EPB41L5: variants seen among roughly 807,000 people sequenced by gnomAD.
EPB41L5 encodes the protein erythrocyte membrane protein band 4.1 like 5, also known as band 4.1-like protein 5.
A neutral mutation model predicts 106.6 loss-of-function variants in EPB41L5; 55 were observed. That is an observed-to-expected ratio of 0.52 (90% CI 0.42 to 0.65). EPB41L5 has a LOEUF of 0.65. Ranked by LOEUF, EPB41L5 falls within the 30% of genes least tolerant of loss-of-function variation. The probability of loss-of-function intolerance (pLI) is 0.00; values close to 1 mark genes in which losing one functional copy is unlikely to be tolerated. For missense variants in EPB41L5, 871 were observed against 882.1 expected, an observed-to-expected ratio of 0.99 and a Z score of 0.16; for synonymous variants, 297 against 306.7, an observed-to-expected ratio of 0.97 and a Z score of 0.33.
At position 120,142,882 on chromosome 2, in the gene EPB41L5, T is replaced by C. The variant is rs1001050593; in HGVS notation, c.1600-121T>C. On this transcript the variant is annotated intron_variant, in intron 18 of 24. Transcript: ENST00000263713. The stretch of plus-strand genomic sequence containing the variant: ...AATTGCTTATGCCTGAAATAAGATA[T>C]GGCTGCTTAAGACACATGATTTCCT... 1.6e-5 allele frequency: 13 copies of C among 833,652 alleles called. No homozygotes were observed. The African/African-American group carries it at 1.8e-4, about 11-fold the overall frequency. The allele number at this position is 833,652 out of a possible 1,614,324, so 51.6% of individuals were successfully genotyped here.
rs58363397 is a variant in EPB41L5 at position 120,119,120 on chromosome 2, C to T, written c.1338-8568C>T. On this transcript the variant is annotated intron_variant, in intron 16 of 24. Coordinates refer to ENST00000263713, the MANE Select transcript of EPB41L5 (RefSeq NM_020909.4). ...AGATTTTTTTTTTATGTTTGTTGGC[C>T]GCATGTATGTCTTTTGAAAAGTGTC... is the stretch of plus-strand genomic sequence containing the variant. Among the ~76,000 whole-genome samples the T allele has an allele frequency of 5.2e-3, 795 of 151,878 alleles. 3 individuals are homozygous for T. Among genetic ancestry groups the T allele is most frequent in the African/African-American group, 0.018 (761 of 41,390 alleles).
At chr2:120,050,514 C>T (rs1426281293) in intron 3 of EPB41L5, among the ~76,000 whole-genome samples, 3 of 152,180 alleles carry the variant, frequency 2.0e-5, no homozygotes, top group Non-Finnish European at 4.4e-5. Flanking sequence ...TCCATCAGGT[C>T]ATTTAAGGAC....
chr2:120,036,421 A>T (rs1451851410), intron 2 of EPB41L5, among the ~76,000 whole-genome samples: 1 of 152,206 alleles, frequency 6.6e-6, no homozygotes, highest in Non-Finnish European at 1.5e-5. Flanking sequence ...TTGCTGATAC[A>T]GACTAGAGTC....
At chr2:120,028,135 A>C (rs1031344385) in intron 2 of EPB41L5, among the ~76,000 whole-genome samples, 1 of 151,800 alleles carries the variant, frequency 6.6e-6, no homozygotes, top group Non-Finnish European at 1.5e-5. Flanking sequence ...AAGTGCTGGG[A>C]TTACAGGCGT....
intron 2 of EPB41L5, among the ~76,000 whole-genome samples, chr2:120,021,555 C>T (rs1015109277): frequency 1.8e-4 from 27 of 152,196 alleles, no homozygotes; most frequent in African/African-American, 5.8e-4. Context: ...GCAGGAGAAT[C>T]GCTTGAACCC....
chr2:120,049,618 A>G lies in EPB41L5; in HGVS notation c.285+7508A>G, dbSNP rs145299667. Reference sequence around the variant, plus strand: ...CACTGGGGGGTCTTGACTCTATCCAATTTGCCAGTCTGTGTCTTTTAATTG... The same window carrying G: ...CACTGGGGGGTCTTGACTCTATCCAGTTTGCCAGTCTGTGTCTTTTAATTG... On this transcript the variant is annotated intron_variant, in intron 3 of 24. Coordinates refer to ENST00000263713, the MANE Select transcript of EPB41L5 (RefSeq NM_020909.4). Among the ~76,000 whole-genome samples, 137 of 152,148 alleles carry G rather than the reference A, an allele frequency of 9.0e-4. 1 individual carries two copies. In the East Asian group the frequency reaches 0.023, roughly 25 times the overall value.
chr2:120,167,832 C>T, intron 23 of EPB41L5, 45 bp from the exon 24 acceptor site: 1 of 1,610,892 alleles, frequency 6.2e-7, no homozygotes, highest in African/African-American at 1.3e-5. Flanking sequence ...GCTGACCAGG[C>T]AGGTATTGTT....
In EPB41L5 at chr2:120,177,953, A is replaced by G. The variant is rs1220603275; in HGVS notation, c.*3046A>G. 6.6e-6 allele frequency: 1 copy of G among 152,354 alleles called. No individual in the cohort carries two copies. Among genetic ancestry groups the G allele is most frequent in the Non-Finnish European group, 1.5e-5 (1 of 68,034 alleles). The allele number at this position is 152,354 out of a possible 1,614,324, so 9.4% of individuals were successfully genotyped here. On this transcript the variant is annotated 3_prime_UTR_variant, in exon 25 of 25. Coordinates refer to ENST00000263713, the MANE Select transcript of EPB41L5 (RefSeq NM_020909.4). ...AAGCCCCAAAATGAAGATTTCCTTC[A>G]GAAGTCTTGTTAGCAGAATTATTTA...
At chr2:120,167,830 G>A (rs781201030) in intron 23 of EPB41L5, 47 bp from the exon 24 acceptor site, 1 of 1,610,816 alleles carries the variant, frequency 6.2e-7, no homozygotes, top group Admixed American at 1.7e-5. Context: ...GTGCTGACCA[G>A]GCAGGTATTG....
rs578060610 is a variant in EPB41L5 at position 120,025,409 on chromosome 2, T to C, written c.180+6145T>C. Among the ~76,000 whole-genome samples, 14 of 152,264 alleles carry C rather than the reference T, an allele frequency of 9.2e-5. No individual in the cohort carries two copies. In the South Asian group the frequency reaches 1.9e-3, roughly 20 times the overall value. On this transcript the variant is annotated intron_variant, in intron 2 of 24. Transcript: ENST00000263713. ...TTGCTTTCCATTTGCTTGGTAAATG[T>C]TCCTCCATCCCTTTATTTTGAGCCT... is the stretch of plus-strand genomic sequence containing the variant.
chr2:120,041,990 T>C lies in EPB41L5; in HGVS notation c.181-16T>C, dbSNP rs41279782. 0.016 allele frequency: 24,571 copies of C among 1,581,596 alleles called. 250 individuals carry two copies. Among genetic ancestry groups the C allele is most frequent in the Middle Eastern group, 0.02 (119 of 5,934 alleles). ...ATAAACCACTTATTGATTTACTTAT[T>C]ATCTTGCCATTTCAGAAAAAAGCCA... is the stretch of plus-strand genomic sequence containing the variant. On this transcript the variant is annotated splice_polypyrimidine_tract_variant and intron_variant, in intron 2 of 24. Coordinates refer to ENST00000263713, the MANE Select transcript of EPB41L5 (RefSeq NM_020909.4).
chr2:120,172,370 A>G (rs1687716325), intron 24 of EPB41L5, among the ~76,000 whole-genome samples: 1 of 152,214 alleles, frequency 6.6e-6, no homozygotes, highest in East Asian at 1.9e-4. Flanking sequence ...GTCAAAGTTA[A>G]GAGAGGATGT....
chr2:120,018,203 G>A (rs949329450), intron 1 of EPB41L5, among the ~76,000 whole-genome samples: 2 of 151,812 alleles, frequency 1.3e-5, no homozygotes, highest in African/African-American at 2.4e-5. Context: ...TCCTGACCTC[G>A]TGATCCACCT....
chr2:120,070,976 A>T (rs1681824737), intron 3 of EPB41L5, among the ~76,000 whole-genome samples: 1 of 152,186 alleles, frequency 6.6e-6, no homozygotes, highest in South Asian at 2.1e-4. Context: ...TAGTATTGGA[A>T]GTTCTGGCCA....
chr2:120,048,699 T>G (rs7560292), intron 3 of EPB41L5, among the ~76,000 whole-genome samples: 105,282 of 151,994 alleles, frequency 0.69, 37,864 homozygotes, highest in Non-Finnish European at 0.79. Context: ...GCTAGCTTTT[T>G]AATGTGTTTG....
chr2:120,046,932 T>G (rs1191626966), intron 3 of EPB41L5, among the ~76,000 whole-genome samples: 23 of 152,106 alleles, frequency 1.5e-4, no homozygotes, highest in Admixed American at 1.4e-3. Flanking sequence ...TTTCCCTATT[T>G]CTTGTTTTTC....
intron 20 of EPB41L5, among the ~76,000 whole-genome samples, chr2:120,146,578 T>G (rs1686415145): frequency 6.6e-6 from 1 of 152,234 alleles, no homozygotes; most frequent in African/African-American, 2.4e-5. Flanking sequence ...GGAGTGTGTA[T>G]TATTCTCTTA....
At chr2:120,168,134 A>G in intron 24 of EPB41L5, 127 bp downstream of exon 24, 1 of 1,098,450 alleles carries the variant, frequency 9.1e-7, no homozygotes. Flanking sequence ...AATGGGGCAA[A>G]TCTTTTTTCT....
intron 3 of EPB41L5, among the ~76,000 whole-genome samples, chr2:120,046,365 G>A (rs1418476250): frequency 6.6e-6 from 1 of 152,120 alleles, no homozygotes; most frequent in Non-Finnish European, 1.5e-5. Context: ...GGTGTGAGAT[G>A]GTATCTCATT....
Sources: gnomAD v4.1 joint callset for allele counts (sites outside exome capture counted in the v4.1 genomes callset) on GRCh38, gnomAD v4.1.1 for gene constraint, MANE v1.5 for transcripts, NCBI Gene and HGNC (gene_info 2026-07-23, HGNC 2026-07-21) for gene names.